TNIK: variants seen among roughly 807,000 people sequenced by gnomAD.
TNIK encodes the protein TRAF2 and NCK-interacting protein kinase.
TNIK carries 49 observed loss-of-function variants against 191.3 expected under a neutral mutation model. The ratio of observed to expected loss-of-function variants is 0.26; its 90% CI spans 0.20 to 0.32. TNIK has a LOEUF of 0.32. Ranked by LOEUF, TNIK falls within the 10% of genes least tolerant of loss-of-function variation. The pLI, the probability that TNIK is intolerant of heterozygous loss-of-function variation, is 1.00. For missense variants in TNIK, 1,155 were observed against 1,702.3 expected, an observed-to-expected ratio of 0.68 and a Z score of 5.66; for synonymous variants, 594 against 600.9, an observed-to-expected ratio of 0.99 and a Z score of 0.17.
At chr3:171,107,854 G>A (rs531569338) in intron 20 of TNIK, among the ~76,000 whole-genome samples, 4 of 152,312 alleles carry the variant, frequency 2.6e-5, no homozygotes, top group African/African-American at 9.6e-5. Context: ...GACTGCTAAT[G>A]ATCAGCAAAT....
intron 1 of TNIK, among the ~76,000 whole-genome samples, chr3:171,407,313 T>C (rs1258085155): frequency 6.6e-6 from 1 of 152,232 alleles, no homozygotes; most frequent in Non-Finnish European, 1.5e-5. Flanking sequence ...AACATCCATC[T>C]AGATGACCTT....
chr3:171,173,216 C>G (rs1013865021), intron 9 of TNIK, among the ~76,000 whole-genome samples: 4 of 106,170 alleles, frequency 3.8e-5, no homozygotes, highest in Admixed American at 1.0e-4. Flanking sequence ...AACCCTGTCT[C>G]TACTAAAAAA....
intron 22 of TNIK, among the ~76,000 whole-genome samples, chr3:171,095,104 G>A (rs1482660049): frequency 1.3e-5 from 2 of 152,176 alleles, no homozygotes; most frequent in African/African-American, 4.8e-5. Context: ...CTGCATGGTG[G>A]TATATTTATT....
At chr3:171,385,006 T>C (rs1040676384) in intron 1 of TNIK, among the ~76,000 whole-genome samples, 1 of 152,096 alleles carries the variant, frequency 6.6e-6, no homozygotes, top group Non-Finnish European at 1.5e-5. Flanking sequence ...AAAGAAATGA[T>C]TAAGTCGGTG....
At position 171,060,670 on chromosome 3, in the gene TNIK, A is replaced by G. The variant is rs777534853; in HGVS notation, c.*3211T>C. Among the ~76,000 whole-genome samples the G allele has an allele frequency of 2.4e-4, 36 of 152,174 alleles. No individual in the cohort carries two copies. The highest frequency in any genetic ancestry group is 5.2e-4 in the Admixed American group (8 of 15,274). ...GTCTTCATTTGCATTGTGTGTTATG[A>G]CAGTGGTCTGGCTGGAACTGGCAGG... On this transcript the variant is annotated 3_prime_UTR_variant, in exon 33 of 33. Coordinates refer to ENST00000436636, the MANE Select transcript of TNIK (RefSeq NM_015028.4).
At position 171,246,750 on chromosome 3, in the gene TNIK, A is replaced by G. The variant is rs568592380; in HGVS notation, c.124-18529T>C. 2.6e-5 allele frequency among the ~76,000 whole-genome samples: 4 copies of G among 152,244 alleles called. No homozygotes were observed. In the East Asian group the frequency reaches 7.7e-4, roughly 29 times the overall value. ...TTTCAGCTATTATTTCTCAAAATGG[A>G]GTTTTCAGAAGGCAGGCGGTGACTT... On this transcript the variant is annotated intron_variant, in intron 2 of 32. Transcript: ENST00000436636.
intron 1 of TNIK, among the ~76,000 whole-genome samples, chr3:171,398,835 A>AT (rs1368221523): frequency 6.6e-6 from 1 of 152,074 alleles, no homozygotes; most frequent in African/African-American, 2.4e-5. Flanking sequence ...TCCCTGGAAC[A>AT]TTTTTCCCCT....
intron 4 of TNIK, among the ~76,000 whole-genome samples, chr3:171,206,035 A>C (rs898632431): frequency 3.3e-5 from 5 of 152,198 alleles, no homozygotes; most frequent in African/African-American, 1.2e-4. Context: ...CCTTACCTGC[A>C]TTCCCAATTA....
chr3:171,299,436 G>A lies in TNIK; in HGVS notation c.123+70184C>T, dbSNP rs182025525. ...TGGGCTTGTTGTTGCCTTGCCAGAC[G>A]GATCTATGGAAGTGTGGAGAGCCAA... On this transcript the variant is annotated intron_variant, in intron 2 of 32. Coordinates refer to ENST00000436636, the MANE Select transcript of TNIK (RefSeq NM_015028.4). Among the ~76,000 whole-genome samples, 250 of 152,238 alleles carry A rather than the reference G, an allele frequency of 1.6e-3. 1 individual carries two copies. The highest frequency in any genetic ancestry group is 0.011 in the South Asian group (55 of 4,824).
At chr3:171,166,453 A>G (rs887520956) in intron 10 of TNIK, among the ~76,000 whole-genome samples, 4 of 152,108 alleles carry the variant, frequency 2.6e-5, no homozygotes, top group African/African-American at 9.7e-5. Flanking sequence ...CCAAGTTTGG[A>G]CTCATGTTCT....
At chr3:171,103,088 T>C (rs747703604) in intron 21 of TNIK, among the ~76,000 whole-genome samples, 6 of 152,194 alleles carry the variant, frequency 3.9e-5, no homozygotes, top group Non-Finnish European at 8.8e-5. Context: ...CTTTTAAATT[T>C]GTCTTGATGA....
At chr3:171,271,811 A>G (rs1210385607) in intron 2 of TNIK, among the ~76,000 whole-genome samples, 2 of 152,232 alleles carry the variant, frequency 1.3e-5, no homozygotes, top group Non-Finnish European at 2.9e-5. Context: ...ATTGACATGT[A>G]AGATGCTAGG....
At chr3:171,132,190 A>G in intron 15 of TNIK, among the ~76,000 whole-genome samples, 1 of 152,234 alleles carries the variant, frequency 6.6e-6, no homozygotes, top group East Asian at 1.9e-4. Context: ...CTAGACCATA[A>G]CAACAAAAGA....
chr3:171,224,060 G>T (rs1742689022), intron 3 of TNIK, among the ~76,000 whole-genome samples: 1 of 152,108 alleles, frequency 6.6e-6, no homozygotes, highest in African/African-American at 2.4e-5. Flanking sequence ...GTCCAAGCTG[G>T]ACCACTGATA....
intron 1 of TNIK, among the ~76,000 whole-genome samples, chr3:171,443,101 T>G (rs1255555733): frequency 6.6e-6 from 1 of 152,206 alleles, no homozygotes; most frequent in Admixed American, 6.5e-5. Context: ...GAAAGAAAAC[T>G]GAGTACTCTC....
chr3:171,081,061 G>T (rs938447205), intron 27 of TNIK, among the ~76,000 whole-genome samples: 2 of 152,182 alleles, frequency 1.3e-5, no homozygotes, highest in Admixed American at 1.3e-4. Context: ...GTCTGAATGT[G>T]AATTTTCTGG....
intron 10 of TNIK, among the ~76,000 whole-genome samples, chr3:171,166,786 C>T (rs1455370304): frequency 6.6e-6 from 1 of 152,196 alleles, no homozygotes; most frequent in African/African-American, 2.4e-5. Context: ...GTCTTCTAAA[C>T]ATGAATATTA....
intron 18 of TNIK, among the ~76,000 whole-genome samples, chr3:171,113,836 A>G (rs1726250275): frequency 6.6e-6 from 1 of 151,922 alleles, no homozygotes; most frequent in East Asian, 1.9e-4. Flanking sequence ...GGATATACAC[A>G]GCCCATTTCA....
chr3:171,317,617 G>A (rs917266442), intron 2 of TNIK, among the ~76,000 whole-genome samples: 35 of 152,136 alleles, frequency 2.3e-4, no homozygotes, highest in Non-Finnish European at 7.4e-5. Context: ...TGGACAGAGC[G>A]TGAGTGAACA....
Sources: allele counts gnomAD v4.1 joint callset (sites outside exome capture counted in the v4.1 genomes callset), GRCh38; gene constraint gnomAD v4.1.1; transcripts MANE v1.5; gene names NCBI Gene and HGNC (gene_info 2026-07-23, HGNC 2026-07-21).